The following RBFOX1 variants were observed in gnomAD, a reference collection of about 807,000 sequenced individuals.
RBFOX1 encodes RNA binding protein fox-1 homolog 1.
In RBFOX1, 8 loss-of-function variants were observed where a neutral mutation model predicts 57.7. The observed-to-expected ratio is 0.14, with a 90% CI of 0.08 to 0.25. The LOEUF (loss-of-function observed/expected upper bound fraction) is 0.25, where lower values mean the gene tolerates loss of function less well. Ranked by LOEUF, RBFOX1 falls within the 10% of genes least tolerant of loss-of-function variation. The pLI is 1.00. For missense variants in RBFOX1, 611 were observed against 548.5 expected, an observed-to-expected ratio of 1.11 and a Z score of -1.14; for synonymous variants, 326 against 222.4, an observed-to-expected ratio of 1.47 and a Z score of -4.15.
chr16:6,972,775 T>G (rs557941701), intron 3 of RBFOX1, among the ~76,000 whole-genome samples: 2 of 152,058 alleles, frequency 1.3e-5, no homozygotes, highest in Non-Finnish European at 2.9e-5. Flanking sequence ...TGGGTAGATT[T>G]GATGTCGAGT....
chr16:7,304,097 G>A (rs918060003), intron 4 of RBFOX1: 1 of 590,124 alleles, frequency 1.7e-6, no homozygotes, highest in African/African-American at 2.0e-5. Context: ...TTAGTTGGAG[G>A]CAGAGGAACG....
chr16:5,632,302 C>G (rs1320814871), intron 3 of RBFOX1, among the ~76,000 whole-genome samples: 1 of 152,248 alleles, frequency 6.6e-6, no homozygotes, highest in Non-Finnish European at 1.5e-5. Flanking sequence ...GGGTTCCCAA[C>G]CCACATCAAT....
intron 2 of RBFOX1, among the ~76,000 whole-genome samples, chr16:6,368,541 T>C (rs537075982): frequency 6.6e-6 from 1 of 152,348 alleles, no homozygotes; most frequent in South Asian, 2.1e-4. Flanking sequence ...GGAACCTCCT[T>C]TATTTCTTCC....
Position 5,983,616 on chromosome 16 carries a change from GT to G in RBFOX1, c.351+116287del, listed in dbSNP as rs943609781. The stretch of plus-strand genomic sequence containing the variant: ...CAGGTGCTCAGGAAGCGTGGTCCTT[GT>G]TTTTTGAAACCAACTTCATTTCTGA... On this transcript the variant is annotated intron_variant, in intron 4 of 19. Transcript: ENST00000641259. 6.6e-5 allele frequency among the ~76,000 whole-genome samples: 10 copies of G among 152,252 alleles called. No homozygotes were observed. The East Asian group carries it at 7.7e-4, about 12-fold the overall frequency.
chr16:6,769,093 T>G (rs2077866540), intron 3 of RBFOX1, among the ~76,000 whole-genome samples: 1 of 152,222 alleles, frequency 6.6e-6, no homozygotes, highest in South Asian at 2.1e-4. Context: ...AATCTCATCT[T>G]GAATTCCCAC....
At chr16:7,122,714 C>T (rs2067473482) in intron 4 of RBFOX1, among the ~76,000 whole-genome samples, 7 of 152,124 alleles carry the variant, frequency 4.6e-5, no homozygotes, top group Admixed American at 4.6e-4. Context: ...AATCCTACTC[C>T]TGGGTTCCTT....
Position 7,399,016 on chromosome 16 carries a change from C to G in RBFOX1, c.28-119131C>G, listed in dbSNP as rs118191257. ...CGGAAATAGTAGACACTAGGAACTA[C>G]TTGGGGCAAGTGTTGAGTGACTGTT... On this transcript the variant is annotated intron_variant, in intron 4 of 15. Transcript: ENST00000550418. Among the ~76,000 whole-genome samples, 479 of 152,340 alleles carry G rather than the reference C, an allele frequency of 3.1e-3. 6 individuals are homozygous for G. Among genetic ancestry groups the G allele is most frequent in the East Asian group, 0.015 (76 of 5,190 alleles).
intron 14 of RBFOX1, among the ~76,000 whole-genome samples, chr16:7,694,265 C>T (rs1377696722): frequency 3.3e-5 from 5 of 152,290 alleles, no homozygotes; most frequent in Non-Finnish European, 5.9e-5. Flanking sequence ...GACCTTCAGA[C>T]ACATACATTA....
At chr16:7,054,490 C>G (rs2051365130) in intron 4 of RBFOX1, among the ~76,000 whole-genome samples, 1 of 145,820 alleles carries the variant, frequency 6.9e-6, no homozygotes, top group Non-Finnish European at 1.5e-5. Flanking sequence ...ATCCGCCAGC[C>G]TCGGCCCCCC....
intron 1 of RBFOX1, among the ~76,000 whole-genome samples, chr16:5,452,218 A>T (rs1425034286): frequency 2.0e-5 from 3 of 150,612 alleles, no homozygotes; most frequent in African/African-American, 7.3e-5. Context: ...TCTCGGGTTC[A>T]AACGATCCTC....
chr16:7,552,652 C>A (rs1165848122), intron 5 of RBFOX1, among the ~76,000 whole-genome samples: 1 of 152,094 alleles, frequency 6.6e-6, no homozygotes, highest in Non-Finnish European at 1.5e-5. Flanking sequence ...GACACCCATT[C>A]TTTGTTGTGA....
chr16:6,664,879 G>C (rs867579696), intron 3 of RBFOX1, among the ~76,000 whole-genome samples: 2 of 152,200 alleles, frequency 1.3e-5, no homozygotes, highest in African/African-American at 2.4e-5. Flanking sequence ...CCAGCTGGCA[G>C]ACCTTGGAAA....
chr16:5,326,995 T>G (rs1415747156), intron 1 of RBFOX1, among the ~76,000 whole-genome samples: 1 of 152,148 alleles, frequency 6.6e-6, no homozygotes, highest in Non-Finnish European at 1.5e-5. Context: ...AAAGCAGAAG[T>G]TCTGCTTCAG....
chr16:5,890,948 G>A (rs74004680), intron 4 of RBFOX1, among the ~76,000 whole-genome samples: 60 of 152,092 alleles, frequency 3.9e-4, no homozygotes, highest in Non-Finnish European at 6.6e-4. Context: ...TGCTTCATCC[G>A]CCTGGATCTG....
At chr16:6,270,270 C>G (rs1383973032) in intron 1 of RBFOX1, among the ~76,000 whole-genome samples, 1 of 151,884 alleles carries the variant, frequency 6.6e-6, no homozygotes, top group African/African-American at 2.4e-5. Flanking sequence ...CCTATATACA[C>G]CCTTTGTAAG....
intron 4 of RBFOX1, among the ~76,000 whole-genome samples, chr16:7,351,030 A>G (rs1487819849): frequency 6.6e-6 from 1 of 152,190 alleles, no homozygotes; most frequent in South Asian, 2.1e-4. Flanking sequence ...GTGCCCATGG[A>G]CTAGGTTTTC....
intron 3 of RBFOX1, among the ~76,000 whole-genome samples, chr16:5,830,977 A>G (rs746690156): frequency 6.7e-6 from 1 of 149,972 alleles, no homozygotes; most frequent in Non-Finnish European, 1.5e-5. Flanking sequence ...TCCCCCCCCA[A>G]CTCTGTTTTT....
chr16:6,577,871 T>G (rs1007761173), intron 2 of RBFOX1, among the ~76,000 whole-genome samples: 2 of 152,138 alleles, frequency 1.3e-5, no homozygotes, highest in East Asian at 3.9e-4. Flanking sequence ...GAAGGATATT[T>G]TATTTATTAA....
At chr16:5,700,226 A>T (rs2050996492) in intron 3 of RBFOX1, among the ~76,000 whole-genome samples, 1 of 152,116 alleles carries the variant, frequency 6.6e-6, no homozygotes, top group Admixed American at 6.5e-5. Flanking sequence ...CTATTCGATC[A>T]ATTTTTGTGC....
Sources: allele counts gnomAD v4.1 joint callset (sites outside exome capture counted in the v4.1 genomes callset), GRCh38; gene constraint gnomAD v4.1.1; transcripts MANE v1.5; gene names NCBI Gene and HGNC (gene_info 2026-07-23, HGNC 2026-07-21).